The following NLGN1 variants were observed in gnomAD, a reference collection of about 807,000 sequenced individuals.
NLGN1 encodes the protein neuroligin 1, also known as neuroligin-1.
Under a neutral mutation model 65.5 loss-of-function variants are expected in NLGN1, and 12 were observed. The observed-to-expected ratio is 0.18, with a 90% CI of 0.12 to 0.30. NLGN1 has a LOEUF of 0.30. Among genes scored for constraint, NLGN1 ranks in the 10% least tolerant of loss-of-function variants. The probability of loss-of-function intolerance (pLI) is 1.00; values close to 1 mark genes in which losing one functional copy is unlikely to be tolerated. For missense variants in NLGN1, 750 were observed against 1,007.1 expected (o/e 0.74, Z 3.46); for synonymous variants, 350 against 359.5 (o/e 0.97, Z 0.30).
chr3:173,497,129 A>G (rs959683698), intron 2 of NLGN1, among the ~76,000 whole-genome samples: 12 of 152,042 alleles, frequency 7.9e-5, no homozygotes, highest in Admixed American at 3.3e-4. Flanking sequence ...CACGCCTGCA[A>G]TCCCAGCACT....
chr3:173,765,473 A>G (rs1578324900), intron 3 of NLGN1, among the ~76,000 whole-genome samples: 1 of 152,144 alleles, frequency 6.6e-6, no homozygotes, highest in South Asian at 2.1e-4. Flanking sequence ...AAGGAGAAAA[A>G]AATAACTGGA....
intron 1 of NLGN1, among the ~76,000 whole-genome samples, chr3:173,414,155 A>G (rs777377326): frequency 1.5e-4 from 23 of 152,206 alleles, no homozygotes; most frequent in Non-Finnish European, 3.1e-4. Flanking sequence ...GAAAAAGATC[A>G]TCCTCACATC....
chr3:173,716,334 G>C (rs961502301), intron 3 of NLGN1, among the ~76,000 whole-genome samples: 3 of 152,140 alleles, frequency 2.0e-5, no homozygotes, highest in Admixed American at 1.3e-4. Flanking sequence ...TAGTGTTTGT[G>C]TGTGTGTATA....
intron 4 of NLGN1, among the ~76,000 whole-genome samples, chr3:174,110,394 C>T (rs1714926893): frequency 6.6e-6 from 1 of 151,864 alleles, no homozygotes; most frequent in Non-Finnish European, 1.5e-5. Flanking sequence ...TGTATTTTTT[C>T]AGGTAAGATT....
chr3:174,106,999 CACACACACACACACACACAG>C (rs1371588670), intron 4 of NLGN1, among the ~76,000 whole-genome samples: 3 of 112,962 alleles, frequency 2.7e-5, no homozygotes, highest in African/African-American at 8.4e-5. Context: ...CACACACACA[CACACACACACACACACACAG>C]AGAGAGAGAG....
At chr3:174,205,779 G>A (rs73882712) in intron 4 of NLGN1, among the ~76,000 whole-genome samples, 31,062 of 152,060 alleles carry the variant, frequency 0.2, 3,541 homozygotes, top group African/African-American at 0.3. Context: ...ATTAGACAAT[G>A]TGTATCTTTT....
chr3:174,141,294 A>C (rs1360950223), intron 4 of NLGN1, among the ~76,000 whole-genome samples: 1 of 152,212 alleles, frequency 6.6e-6, no homozygotes, highest in Non-Finnish European at 1.5e-5. Context: ...TTTCCTATCC[A>C]GTAATAAAAT....
chr3:173,952,702 CT>C (rs916522193), intron 4 of NLGN1, among the ~76,000 whole-genome samples: 1 of 151,856 alleles, frequency 6.6e-6, no homozygotes, highest in Non-Finnish European at 1.5e-5. Flanking sequence ...TCAGGATAAA[CT>C]GAAAATGTTT....
At chr3:173,506,236 A>G (rs536063837) in intron 2 of NLGN1, among the ~76,000 whole-genome samples, 42 of 152,156 alleles carry the variant, frequency 2.8e-4, no homozygotes, top group African/African-American at 1.0e-3. Flanking sequence ...TCGACATACT[A>G]AAGGTGAGGG....
At chr3:174,229,973 A>G (rs1740399796) in intron 4 of NLGN1, among the ~76,000 whole-genome samples, 1 of 152,236 alleles carries the variant, frequency 6.6e-6, no homozygotes, top group Non-Finnish European at 1.5e-5. Context: ...TTAAACATCT[A>G]GAGAAATCCT....
chr3:174,143,807 A>G (rs768370825), intron 4 of NLGN1, among the ~76,000 whole-genome samples: 2 of 152,248 alleles, frequency 1.3e-5, no homozygotes, highest in Non-Finnish European at 2.9e-5. Context: ...ATTACTGAAT[A>G]AACAACATCT....
At chr3:173,730,611 G>C (rs1772659618) in intron 3 of NLGN1, among the ~76,000 whole-genome samples, 1 of 151,908 alleles carries the variant, frequency 6.6e-6, no homozygotes, top group Non-Finnish European at 1.5e-5. Flanking sequence ...TCACTGTACT[G>C]GACAGCACTT....
chr3:173,941,398 G>A (rs981801567), intron 4 of NLGN1, among the ~76,000 whole-genome samples: 1 of 152,004 alleles, frequency 6.6e-6, no homozygotes, highest in Non-Finnish European at 1.5e-5. Context: ...AGGCATCAGA[G>A]CTGATATGCT....
intron 4 of NLGN1, among the ~76,000 whole-genome samples, chr3:173,860,810 C>T (rs965964935): frequency 6.6e-6 from 1 of 152,108 alleles, no homozygotes; most frequent in African/African-American, 2.4e-5. Context: ...CCTCTAACTG[C>T]CTACCTGCTT....
At chr3:174,211,236 A>G (rs1472779725) in intron 4 of NLGN1, among the ~76,000 whole-genome samples, 3 of 152,192 alleles carry the variant, frequency 2.0e-5, no homozygotes, top group Non-Finnish European at 2.9e-5. Context: ...CGGGTTGCCA[A>G]TGCTGGCTCT....
intron 4 of NLGN1, among the ~76,000 whole-genome samples, chr3:173,924,139 T>C (rs1742569604): frequency 6.6e-6 from 1 of 152,136 alleles, no homozygotes; most frequent in African/African-American, 2.4e-5. Context: ...AAACATTTGT[T>C]TAGTAATCAT....
At chr3:174,138,041 C>A (rs573069339) in intron 4 of NLGN1, among the ~76,000 whole-genome samples, 5 of 152,170 alleles carry the variant, frequency 3.3e-5, no homozygotes, top group African/African-American at 4.8e-5. Context: ...TATTTTCTAG[C>A]AATTCTGTTT....
rs971467917 is a variant in NLGN1 at position 173,948,541 on chromosome 3, A to G, written c.646+140709A>G. 4.6e-5 allele frequency among the ~76,000 whole-genome samples: 7 copies of G among 152,346 alleles called. No homozygotes were observed. In the Middle Eastern group the frequency reaches 0.01, roughly 222 times the overall value. On this transcript the variant is annotated intron_variant, in intron 4 of 6. Transcript: ENST00000457714. ...TCTGTAGAAGGGTGAGTAAATGGAC[A>G]GGGATAGAAGTTTTAGGAGAAAGAT... is the stretch of plus-strand genomic sequence containing the variant.
At chr3:173,566,519 T>A (rs117102337) in intron 2 of NLGN1, among the ~76,000 whole-genome samples, 1,732 of 152,204 alleles carry the variant, frequency 0.011, 42 homozygotes, top group East Asian at 0.11. Flanking sequence ...GGAAAAAAAA[T>A]ATTTCCTTTC....
Sources: allele counts gnomAD v4.1 joint callset (sites outside exome capture counted in the v4.1 genomes callset), GRCh38; gene constraint gnomAD v4.1.1; transcripts MANE v1.5; gene names NCBI Gene and HGNC (gene_info 2026-07-23, HGNC 2026-07-21).